The following HIVEP1 variants were observed in gnomAD, a reference collection of about 807,000 sequenced individuals.
HIVEP1 encodes HIVEP zinc finger 1, also known as zinc finger protein 40.
Under a neutral mutation model 180.0 loss-of-function variants are expected in HIVEP1, and 36 were observed. The ratio of observed to expected loss-of-function variants is 0.20; its 90% CI spans 0.15 to 0.26. HIVEP1 has a LOEUF of 0.26. Ranked by LOEUF, HIVEP1 falls within the 10% of genes least tolerant of loss-of-function variation. HIVEP1 has a pLI of 1.00. For missense variants in HIVEP1, 3,143 were observed against 3,268.7 expected (o/e 0.96, Z 0.94); for synonymous variants, 1,239 against 1,239.0 (o/e 1.00, Z 0.00).
the HIVEP1 span, among the ~76,000 whole-genome samples, chr6:12,172,104 TAA>T: frequency 6.6e-6 from 1 of 152,218 alleles, no homozygotes; most frequent in East Asian, 1.9e-4. Context: ...GACATTTCTC[TAA>T]GTCAGGAATC....
intron 3 of HIVEP1, among the ~76,000 whole-genome samples, chr6:12,104,422 TTC>T (rs1774304157): frequency 1.6e-4 from 20 of 125,258 alleles, no homozygotes; most frequent in African/African-American, 5.9e-4. Flanking sequence ...CTCCTTTTCT[TTC>T]CTTTTTTTTT....
At chr6:12,024,462 C>T (rs1241943058) in intron 2 of HIVEP1, among the ~76,000 whole-genome samples, 1 of 152,166 alleles carries the variant, frequency 6.6e-6, no homozygotes, top group Non-Finnish European at 1.5e-5. Flanking sequence ...TTAAGAGTTA[C>T]ACCTACTTAA....
intron 2 of HIVEP1, among the ~76,000 whole-genome samples, chr6:12,048,464 C>A (rs940468278): frequency 6.6e-6 from 1 of 152,168 alleles, no homozygotes; most frequent in African/African-American, 2.4e-5. Context: ...GCCTTCCAAC[C>A]AATATGCCCA....
rs540510983 is a variant in HIVEP1, at chr6:12,109,128, T to C, written c.95-10762T>C. Reference sequence around the variant, plus strand: ...CCGAGTACCTGGGACTACAGGCGCCTGCCACCACGCCCGGCTAATTTTTTA... The same window carrying C: ...CCGAGTACCTGGGACTACAGGCGCCCGCCACCACGCCCGGCTAATTTTTTA... On this transcript the variant is annotated intron_variant, in intron 3 of 8. Coordinates refer to ENST00000379388, the MANE Select transcript of HIVEP1 (RefSeq NM_002114.4). Among the ~76,000 whole-genome samples, 328 of 151,870 alleles carry C rather than the reference T, an allele frequency of 2.2e-3. 2 individuals carry two copies. Among genetic ancestry groups the C allele is most frequent in the East Asian group, 2.1e-3 (11 of 5,120 alleles).
At chr6:12,061,381 T>TA (rs1771220827) in intron 2 of HIVEP1, among the ~76,000 whole-genome samples, 1 of 152,220 alleles carries the variant, frequency 6.6e-6, no homozygotes, top group Admixed American at 6.5e-5. Context: ...GTGGGACTAA[T>TA]ACACTCAGAA....
At chr6:12,147,756 T>A (rs981281775) in intron 7 of HIVEP1, among the ~76,000 whole-genome samples, 1 of 152,236 alleles carries the variant, frequency 6.6e-6, no homozygotes, top group Non-Finnish European at 1.5e-5. Flanking sequence ...ACAGTTTGGA[T>A]GGAAAGTCTG....
intron 3 of HIVEP1, among the ~76,000 whole-genome samples, chr6:12,112,604 G>A (rs1774970015): frequency 6.6e-6 from 1 of 151,934 alleles, no homozygotes; most frequent in Admixed American, 6.6e-5. Flanking sequence ...TGGGACTCTG[G>A]GGGCTTTTCT....
intron 2 of HIVEP1, among the ~76,000 whole-genome samples, chr6:12,041,915 T>C (rs1388488657): frequency 2.6e-5 from 4 of 151,874 alleles, no homozygotes; most frequent in African/African-American, 4.9e-5. Flanking sequence ...CGCCTTGGCC[T>C]CCCAAAGTGC....
chr6:12,168,313 T>TATATACATATATA (rs70981670), downstream of HIVEP1, among the ~76,000 whole-genome samples: 1,027 of 113,054 alleles, frequency 9.1e-3, 18 homozygotes, highest in East Asian at 0.016. Flanking sequence ...ATACATATAT[T>TATATACATATATA]ATATACATAT....
Position 12,122,253 on chromosome 6 carries a change from TCAAAG to T in HIVEP1, c.2462_2466del (p.Lys821SerfsTer10). The T allele has an allele frequency of 6.2e-7, 1 of 1,614,166 alleles. No individual in the cohort carries two copies. Among genetic ancestry groups the T allele is most frequent in the Non-Finnish European group, 8.5e-7 (1 of 1,180,022 alleles). On this transcript the variant is annotated frameshift_variant, in exon 4 of 9. Coordinates refer to ENST00000379388, the MANE Select transcript of HIVEP1 (RefSeq NM_002114.4). LOFTEE classifies it high-confidence loss of function. Reference sequence around the variant, plus strand: ...GTCACCTTTCACCCCTACTGAAAAATCAAAGCAAGTGTTTCTTCTGTCTGTACCTT... The same window carrying T: ...GTCACCTTTCACCCCTACTGAAAAATCAAGTGTTTCTTCTGTCTGTACCTT...
the HIVEP1 span, among the ~76,000 whole-genome samples, chr6:12,187,321 G>A: frequency 1.3e-5 from 2 of 152,090 alleles, no homozygotes; most frequent in East Asian, 1.9e-4. Flanking sequence ...AGGTGTTTGG[G>A]TCATGGGGGC....
intron 2 of HIVEP1, chr6:12,038,664 T>A (rs1769461454): frequency 6.6e-6 from 1 of 152,186 alleles, no homozygotes; most frequent in Non-Finnish European, 1.5e-5. Flanking sequence ...AGGGCGAGAC[T>A]CCATCTCAAC....
intron 2 of HIVEP1, among the ~76,000 whole-genome samples, chr6:12,087,631 C>T (rs1381419262): frequency 6.6e-6 from 1 of 152,040 alleles, no homozygotes; most frequent in Admixed American, 6.6e-5. Flanking sequence ...TGGGTCTTAG[C>T]CTTTTGTTAC....
chr6:12,047,003 G>A (rs1484779961), intron 2 of HIVEP1, among the ~76,000 whole-genome samples: 1 of 151,450 alleles, frequency 6.6e-6, no homozygotes, highest in East Asian at 2.0e-4. Context: ...TGGGATTACA[G>A]GTGTCCACCA....
At chr6:12,087,659 G>A (rs10947756) in intron 2 of HIVEP1, among the ~76,000 whole-genome samples, 54,276 of 151,884 alleles carry the variant, frequency 0.36, 10,490 homozygotes, top group East Asian at 0.66. Flanking sequence ...GTGTTAATAC[G>A]GATTTCATGC....
At chr6:12,169,013 G>A (rs1172722533), downstream of HIVEP1, among the ~76,000 whole-genome samples, 4 of 151,894 alleles carry the variant, frequency 2.6e-5, no homozygotes, top group Admixed American at 2.0e-4. Context: ...TCAACCACCC[G>A]AATAGCTGGA....
At chr6:12,139,525 G>A (rs1026642318) in intron 7 of HIVEP1, among the ~76,000 whole-genome samples, 5 of 152,220 alleles carry the variant, frequency 3.3e-5, no homozygotes, top group African/African-American at 1.2e-4. Flanking sequence ...GCCAAAGCAG[G>A]GCAAGGCATC....
At chr6:12,118,225 T>C (rs2113494774) in intron 3 of HIVEP1, among the ~76,000 whole-genome samples, 1 of 151,992 alleles carries the variant, frequency 6.6e-6, no homozygotes, top group East Asian at 1.9e-4. Flanking sequence ...TGAGAGCATA[T>C]AAACTGATGT....
In HIVEP1 at chr6:12,164,387, C is replaced by T. The variant is rs544592924; in HGVS notation, c.8083C>T (p.Arg2695Trp). 15 of 1,614,126 alleles carry T rather than the reference C, an allele frequency of 9.3e-6. No individual in the cohort carries two copies. Among genetic ancestry groups the T allele is most frequent in the South Asian group, 3.3e-5 (3 of 91,088 alleles). Reference protein sequence around the residue: ...RQVPRPTALPRRQPTVHFSDV... With the variant: ...RQVPRPTALPWRQPTVHFSDV... The stretch of plus-strand genomic sequence containing the variant: ...GGTTCCCAGGCCCACAGCACTACCG[C>T]GGAGGCAGCCCACTGTGCACTTCAG... The change falls in exon 9 of 9, where the codon CGG becomes TGG. Residue 2695 changes from arginine to tryptophan, a missense_variant. Coordinates refer to ENST00000379388, the MANE Select transcript of HIVEP1 (RefSeq NM_002114.4).
Sources: allele counts gnomAD v4.1 joint callset (sites outside exome capture counted in the v4.1 genomes callset), GRCh38; gene constraint gnomAD v4.1.1; transcripts MANE v1.5; gene names NCBI Gene and HGNC (gene_info 2026-07-23, HGNC 2026-07-21).